The following FBXL17 variants were observed in gnomAD, a reference collection of about 807,000 sequenced individuals.
FBXL17 encodes F-box and leucine rich repeat protein 17, also known as F-box/LRR-repeat protein 17.
In FBXL17, 22 loss-of-function variants were observed where a neutral mutation model predicts 66.2. The observed-to-expected ratio is 0.33, with a 90% CI of 0.24 to 0.47. FBXL17 has a LOEUF of 0.47. FBXL17 is among the 20% of genes least tolerant of loss of function. The probability of loss-of-function intolerance (pLI) is 1.00; values close to 1 mark genes in which losing one functional copy is unlikely to be tolerated. For missense variants in FBXL17, 878 were observed against 948.2 expected (o/e 0.93, Z 0.97); for synonymous variants, 474 against 400.5 (o/e 1.18, Z -2.19).
At chr5:107,950,472 T>A (rs2112606614) in intron 7 of FBXL17, among the ~76,000 whole-genome samples, 1 of 152,242 alleles carries the variant, frequency 6.6e-6, no homozygotes, top group African/African-American at 2.4e-5. Flanking sequence ...ATAAAATGTT[T>A]TGGAATAATT....
At chr5:108,322,903 G>T (rs1467175920) in intron 4 of FBXL17, among the ~76,000 whole-genome samples, 3 of 151,890 alleles carry the variant, frequency 2.0e-5, no homozygotes, top group Non-Finnish European at 4.4e-5. Flanking sequence ...AATATAACAT[G>T]TTCGGTTTAT....
intron 6 of FBXL17, among the ~76,000 whole-genome samples, chr5:108,182,756 A>G (rs1753055249): frequency 6.6e-6 from 1 of 152,214 alleles, no homozygotes; most frequent in Admixed American, 6.5e-5. Flanking sequence ...AGGGAAGGAA[A>G]GGCAAAGTGA....
intron 4 of FBXL17, among the ~76,000 whole-genome samples, chr5:108,257,519 A>T (rs1756625946): frequency 6.6e-6 from 1 of 152,168 alleles, no homozygotes; most frequent in African/African-American, 2.4e-5. Context: ...TAGCAAAGGA[A>T]GATAATAATT....
chr5:108,316,783 T>C (rs1299314058), intron 4 of FBXL17, among the ~76,000 whole-genome samples: 1 of 150,998 alleles, frequency 6.6e-6, no homozygotes, highest in East Asian at 1.9e-4. Context: ...AAATAATATA[T>C]ATGGGAAATT....
rs70996986 is a variant in FBXL17, at chr5:108,214,368, C to CT, written c.1614+9752dup. On this transcript the variant is annotated intron_variant, in intron 5 of 8. Transcript: ENST00000542267. ...ATTAATTAGTAAATTTATTAATTGA[C>CT]TTTTTTTTTTTTTTTTTGAGACAGA... Among the ~76,000 whole-genome samples, 795 of 129,650 alleles carry CT rather than the reference C, an allele frequency of 6.1e-3. 7 individuals are homozygous for CT. The highest frequency in any genetic ancestry group is 0.053 in the East Asian group (241 of 4,586). The allele number at this position is 129,650 out of a possible 152,430, so 85.1% of individuals were successfully genotyped here.
intron 4 of FBXL17, among the ~76,000 whole-genome samples, chr5:108,287,880 G>C (rs1448740284): frequency 1.3e-5 from 2 of 151,834 alleles, no homozygotes; most frequent in Non-Finnish European, 2.9e-5. Flanking sequence ...ACCCACTGAT[G>C]GTAAACTAGA....
chr5:108,282,536 A>G lies in FBXL17; in HGVS notation c.1507-58308T>C, dbSNP rs1757741060. The stretch of plus-strand genomic sequence containing the variant: ...CACCTCAAAGTAATAAAGGCTATAT[A>G]CGACAAAACCACAGCTAACATAATA... On this transcript the variant is annotated intron_variant, in intron 4 of 8. Transcript: ENST00000542267. Among the ~76,000 whole-genome samples the G allele has an allele frequency of 2.6e-5, 4 of 151,864 alleles. No homozygotes were observed. In the South Asian group the frequency reaches 8.3e-4, roughly 31 times the overall value.
chr5:107,956,088 CAT>C (rs1032256945), intron 7 of FBXL17, among the ~76,000 whole-genome samples: 4 of 152,118 alleles, frequency 2.6e-5, no homozygotes, highest in African/African-American at 4.8e-5. Context: ...CCATCAAAAA[CAT>C]AATCATTGTG....
chr5:107,888,013 C>A (rs1362311247), intron 7 of FBXL17, among the ~76,000 whole-genome samples: 2 of 152,184 alleles, frequency 1.3e-5, no homozygotes, highest in Non-Finnish European at 2.9e-5. Flanking sequence ...TAATCCAATA[C>A]TTTTAAATCT....
Position 108,381,648 on chromosome 5 carries a change from T to A in FBXL17, c.44A>T (p.Gln15Leu), listed in dbSNP as rs868000632. The A allele has an allele frequency of 5.4e-6, 8 of 1,482,778 alleles. No homozygotes were observed. In the South Asian group the frequency reaches 1.0e-4, roughly 19 times the overall value. The allele number at this position is 1,482,778 out of a possible 1,614,324, so 91.9% of individuals were successfully genotyped here. A position where few individuals can be genotyped will look rare whatever the true frequency, so the allele number is the denominator to read the frequency against. ...LSKEPRNRPS[Q>L]KRPRCCSWCR... The stretch of plus-strand genomic sequence containing the variant: ...CCAACTGCAACAGCGAGGCCTCTTC[T>A]GGCTCGGGCGGTTACGCGGCTCCTT... Residue 15 changes from glutamine (Q) to leucine (L), a missense_variant, in exon 1 of 9, where the codon CAG becomes CTG. Transcript: ENST00000542267.
At chr5:108,250,822 A>G (rs1756317336) in intron 4 of FBXL17, among the ~76,000 whole-genome samples, 1 of 151,906 alleles carries the variant, frequency 6.6e-6, no homozygotes, top group Non-Finnish European at 1.5e-5. Flanking sequence ...TTTCCTTTTG[A>G]TTTTACATAA....
chr5:108,089,126 T>C (rs772361753), intron 6 of FBXL17, among the ~76,000 whole-genome samples: 2 of 152,202 alleles, frequency 1.3e-5, no homozygotes, highest in African/African-American at 2.4e-5. Flanking sequence ...TATTCTGAAT[T>C]TATGTACTTT....
intron 7 of FBXL17, among the ~76,000 whole-genome samples, chr5:107,935,345 T>C (rs1166583508): frequency 6.6e-6 from 1 of 151,846 alleles, no homozygotes; most frequent in Admixed American, 6.6e-5. Flanking sequence ...AGAAAACAAA[T>C]GAAACAATGC....
At chr5:108,302,094 TAAAG>T in intron 4 of FBXL17, 1 of 889,426 alleles carries the variant, frequency 1.1e-6, no homozygotes, top group Non-Finnish European at 1.3e-6. Context: ...GACCAATCAA[TAAAG>T]TAATTGGTCA....
At chr5:107,908,044 C>T (rs187120678) in intron 7 of FBXL17, among the ~76,000 whole-genome samples, 270 of 152,218 alleles carry the variant, frequency 1.8e-3, no homozygotes, top group Middle Eastern at 6.8e-3. Context: ...TGGAACCAAC[C>T]GAAATGTCCA....
At chr5:107,991,899 C>T (rs79146570) in intron 7 of FBXL17, among the ~76,000 whole-genome samples, 7,288 of 152,148 alleles carry the variant, frequency 0.048, 411 homozygotes, top group East Asian at 0.18. Context: ...AATATGTAAG[C>T]ATATCATTGC....
chr5:107,867,994 A>C (rs1748333521), intron 8 of FBXL17, among the ~76,000 whole-genome samples: 1 of 152,244 alleles, frequency 6.6e-6, no homozygotes, highest in South Asian at 2.1e-4. Flanking sequence ...TACTCAAATA[A>C]CCAAGGCAAA....
chr5:108,287,974 G>A (rs538138908), intron 4 of FBXL17, among the ~76,000 whole-genome samples: 51 of 152,130 alleles, frequency 3.4e-4, no homozygotes, highest in Admixed American at 8.5e-4. Flanking sequence ...CAACATGGAT[G>A]GAGGTAGAGG....
At chr5:108,146,845 G>A (rs995256740) in intron 6 of FBXL17, among the ~76,000 whole-genome samples, 4 of 152,200 alleles carry the variant, frequency 2.6e-5, no homozygotes, top group Admixed American at 2.0e-4. Flanking sequence ...ACAGCCAGAA[G>A]AGCAGTGTCT....
Sources: gnomAD v4.1 joint callset for allele counts (sites outside exome capture counted in the v4.1 genomes callset) on GRCh38, gnomAD v4.1.1 for gene constraint, MANE v1.5 for transcripts, NCBI Gene and HGNC (gene_info 2026-07-23, HGNC 2026-07-21) for gene names.